Variants in CNTN4 observed in about 807,000 individuals in gnomAD.
The protein encoded by CNTN4 is contactin 4.
CNTN4 carries 77 observed loss-of-function variants against 122.5 expected under a neutral mutation model. The observed-to-expected ratio is 0.63, with a 90% CI of 0.52 to 0.76. CNTN4 has a LOEUF of 0.76. CNTN4 is among the 30% of genes least tolerant of loss of function. The probability of loss-of-function intolerance (pLI) is 0.00; values close to 1 mark genes in which losing one functional copy is unlikely to be tolerated. For missense variants in CNTN4, 1,256 were observed against 1,259.1 expected, an observed-to-expected ratio of 1.00 and a Z score of 0.04; for synonymous variants, 512 against 447.0, an observed-to-expected ratio of 1.15 and a Z score of -1.83.
chr3:2,224,704 C>T (rs1233163050), intron 2 of CNTN4, among the ~76,000 whole-genome samples: 2 of 152,066 alleles, frequency 1.3e-5, no homozygotes, highest in African/African-American at 4.8e-5. Flanking sequence ...TTCTAACATC[C>T]TAAATGTGCA....
intron 4 of CNTN4, among the ~76,000 whole-genome samples, chr3:2,630,599 T>C (rs2082387599): frequency 6.6e-6 from 1 of 152,186 alleles, no homozygotes; most frequent in African/African-American, 2.4e-5. Context: ...TCATAAATAA[T>C]ACTGAGAAAC....
chr3:2,294,386 T>A lies in CNTN4; in HGVS notation c.-144-44792T>A, dbSNP rs1177506783. On this transcript the variant is annotated intron_variant, in intron 2 of 24. Transcript: ENST00000418658. ...TGGCTCACGCCTGTAATCCCAGCAC[T>A]CTGGGAGGCCAAAGCTGGTGGATCA... Among the ~76,000 whole-genome samples the A allele has an allele frequency of 2.6e-5, 4 of 151,590 alleles. No individual in the cohort carries two copies. The East Asian group carries it at 7.8e-4, about 30-fold the overall frequency.
intron 12 of CNTN4, among the ~76,000 whole-genome samples, chr3:2,913,885 C>T (rs1472459655): frequency 2.0e-5 from 3 of 151,964 alleles, no homozygotes; most frequent in Non-Finnish European, 2.9e-5. Context: ...GGAACAGTGT[C>T]CAAAAGAGAC....
chr3:2,263,768 C>T (rs1253160999), intron 2 of CNTN4, among the ~76,000 whole-genome samples: 2 of 148,578 alleles, frequency 1.3e-5, no homozygotes, highest in African/African-American at 2.4e-5. Context: ...TAACCAACTT[C>T]TCTTCATCTG....
At chr3:2,354,248 G>C (rs1277203277) in intron 3 of CNTN4, among the ~76,000 whole-genome samples, 1 of 152,108 alleles carries the variant, frequency 6.6e-6, no homozygotes, top group Non-Finnish European at 1.5e-5. Context: ...ACTGTATTTT[G>C]GGCTGGGCAT....
At chr3:2,569,578 C>G (rs2079330534) in intron 3 of CNTN4, among the ~76,000 whole-genome samples, 1 of 151,764 alleles carries the variant, frequency 6.6e-6, no homozygotes, top group South Asian at 2.1e-4. Flanking sequence ...AAGTTGAGAC[C>G]ACAGTAACAT....
chr3:3,037,038 T>G (rs1699675235), intron 17 of CNTN4, 141 bp from the exon 18 acceptor site: 1 of 950,318 alleles, frequency 1.1e-6, no homozygotes, highest in Non-Finnish European at 1.7e-6. Flanking sequence ...CAACTGTTGA[T>G]GCAGCTAATA....
In CNTN4 at chr3:2,430,643, T is replaced by C. The variant is rs535262862; in HGVS notation, c.-89+91410T>C. On this transcript the variant is annotated intron_variant, in intron 3 of 24. Transcript: ENST00000418658. Reference sequence around the variant, plus strand: ...AAAAAAAAAAAAAAAAAAAATTCTGTGTTCAATTAGTTTACCCCAGCTAGA... The same window carrying C: ...AAAAAAAAAAAAAAAAAAAATTCTGCGTTCAATTAGTTTACCCCAGCTAGA... Among the ~76,000 whole-genome samples the C allele has an allele frequency of 4.1e-3, 603 of 148,132 alleles. 1 individual carries two copies. The highest frequency in any genetic ancestry group is 6.9e-3 in the Non-Finnish European group (463 of 66,922).
chr3:2,343,926 G>C (rs562116515), intron 3 of CNTN4, among the ~76,000 whole-genome samples: 62 of 152,252 alleles, frequency 4.1e-4, no homozygotes, highest in Admixed American at 1.2e-3. Flanking sequence ...AATTATGACA[G>C]AGGGCAAAGG....
At chr3:2,934,206 G>T (rs1437300836) in intron 13 of CNTN4, among the ~76,000 whole-genome samples, 1 of 152,162 alleles carries the variant, frequency 6.6e-6, no homozygotes, top group Non-Finnish European at 1.5e-5. Flanking sequence ...ATATTCTTAG[G>T]CATGTCTTGC....
chr3:3,016,917 C>T (rs931654739), intron 14 of CNTN4, among the ~76,000 whole-genome samples: 3 of 152,312 alleles, frequency 2.0e-5, no homozygotes, highest in Non-Finnish European at 2.9e-5. Flanking sequence ...TTTGTGCTCA[C>T]GCCGACTGGG....
At position 2,368,186 on chromosome 3, in the gene CNTN4, C is replaced by T. The variant is rs544238387; in HGVS notation, c.-89+28953C>T. Among the ~76,000 whole-genome samples the T allele has an allele frequency of 7.6e-4, 114 of 150,084 alleles. 1 individual carries two copies. Among genetic ancestry groups the T allele is most frequent in the African/African-American group, 1.6e-3 (65 of 40,860 alleles). ...TAGCTGGGACTACAGGGCCCGCCAC[C>T]ACGCCCAGCTAATTTTTTTGTATTT... On this transcript the variant is annotated intron_variant, in intron 3 of 24. Coordinates refer to ENST00000418658, the MANE Select transcript of CNTN4 (RefSeq NM_175607.3).
chr3:2,994,613 A>ATGTG (rs1553719119), intron 14 of CNTN4, among the ~76,000 whole-genome samples: 5 of 142,218 alleles, frequency 3.5e-5, no homozygotes, highest in African/African-American at 7.8e-5. Flanking sequence ...ATATATATAT[A>ATGTG]TGTGTGTATA....
At chr3:2,420,899 C>T (rs1366865903) in intron 3 of CNTN4, among the ~76,000 whole-genome samples, 2 of 152,082 alleles carry the variant, frequency 1.3e-5, no homozygotes, top group South Asian at 2.1e-4. Flanking sequence ...AAGAGATGGC[C>T]GTATTTTGTC....
At chr3:3,047,966 G>GTAAC (rs1700845917) in intron 23 of CNTN4, among the ~76,000 whole-genome samples, 1 of 152,110 alleles carries the variant, frequency 6.6e-6, no homozygotes, top group African/African-American at 2.4e-5. Flanking sequence ...TTGAGAGTGG[G>GTAAC]TAACAGGGTT....
chr3:2,435,070 T>C (rs1040109036), intron 3 of CNTN4, among the ~76,000 whole-genome samples: 1 of 152,204 alleles, frequency 6.6e-6, no homozygotes, highest in East Asian at 1.9e-4. Context: ...GAGCCAATTA[T>C]CTAAATCATT....
chr3:2,715,168 T>C (rs1337541031), intron 4 of CNTN4, among the ~76,000 whole-genome samples: 2 of 152,210 alleles, frequency 1.3e-5, no homozygotes, highest in Non-Finnish European at 2.9e-5. Flanking sequence ...TAATTCGCTT[T>C]ATGTACCCAG....
chr3:2,493,322 G>T (rs1033063282), intron 3 of CNTN4, among the ~76,000 whole-genome samples: 1 of 151,946 alleles, frequency 6.6e-6, no homozygotes, highest in East Asian at 1.9e-4. Context: ...GACATTGGAA[G>T]AGTTTACGTA....
At chr3:2,161,738 G>A (rs202063617) in intron 2 of CNTN4, among the ~76,000 whole-genome samples, 1 of 152,206 alleles carries the variant, frequency 6.6e-6, no homozygotes, top group East Asian at 1.9e-4. Flanking sequence ...AATATGTTAA[G>A]TAGTAAGAAC....
Sources: allele counts gnomAD v4.1 joint callset (sites outside exome capture counted in the v4.1 genomes callset), GRCh38; gene constraint gnomAD v4.1.1; transcripts MANE v1.5; gene names NCBI Gene and HGNC (gene_info 2026-07-23, HGNC 2026-07-21).